The following DCC variants were observed in gnomAD, a reference collection of about 807,000 sequenced individuals.
The protein encoded by DCC is DCC netrin 1 receptor, also known as netrin receptor DCC.
Under a neutral mutation model 172.5 loss-of-function variants are expected in DCC, and 58 were observed. The observed-to-expected ratio is 0.34, with a 90% CI of 0.27 to 0.42. DCC has a LOEUF of 0.42. DCC is among the 10% of genes least tolerant of loss of function. The pLI is 1.00. For missense variants in DCC, 1,740 were observed against 1,791.0 expected, an observed-to-expected ratio of 0.97 and a Z score of 0.51; for synonymous variants, 709 against 644.5, an observed-to-expected ratio of 1.10 and a Z score of -1.52.
At chr18:52,939,710 AG>A (rs2040431897) in intron 5 of DCC, among the ~76,000 whole-genome samples, 1 of 152,160 alleles carries the variant, frequency 6.6e-6, no homozygotes, top group Admixed American at 6.5e-5. Flanking sequence ...GAAGAAATTG[AG>A]GCTCCTCATT....
chr18:52,840,363 T>C (rs2038782884), intron 2 of DCC, among the ~76,000 whole-genome samples: 1 of 152,190 alleles, frequency 6.6e-6, no homozygotes, highest in Non-Finnish European at 1.5e-5. Flanking sequence ...GGGATTGCTT[T>C]AACTAGAGAA....
intron 12 of DCC, among the ~76,000 whole-genome samples, chr18:53,257,729 A>G (rs1333374908): frequency 6.6e-6 from 1 of 152,210 alleles, no homozygotes; most frequent in Non-Finnish European, 1.5e-5. Context: ...GCCTCATAAA[A>G]TGAGTTAGGG....
At chr18:53,435,371 AAAAC>A (rs1380503204) in intron 22 of DCC, among the ~76,000 whole-genome samples, 162 bp downstream of exon 22, 1 of 150,954 alleles carries the variant, frequency 6.6e-6, no homozygotes, top group Non-Finnish European at 1.5e-5. Context: ...AACAAAAACA[AAAAC>A]AAAAAAAACA....
At chr18:52,513,700 G>T (rs957632273) in intron 1 of DCC, among the ~76,000 whole-genome samples, 15 of 152,090 alleles carry the variant, frequency 9.9e-5, no homozygotes, top group Non-Finnish European at 1.5e-4. Context: ...TCCAAAACTA[G>T]GTCCCTTTCC....
intron 7 of DCC, among the ~76,000 whole-genome samples, chr18:53,143,922 T>C (rs549165012): frequency 6.6e-6 from 1 of 152,350 alleles, no homozygotes; most frequent in African/African-American, 2.4e-5. Flanking sequence ...AAGGCCACAG[T>C]GTTTTGTATT....
chr18:53,480,342 A>G (rs2045817400), intron 25 of DCC, among the ~76,000 whole-genome samples: 2 of 152,196 alleles, frequency 1.3e-5, no homozygotes, highest in African/African-American at 2.4e-5. Flanking sequence ...TATAAACCAC[A>G]TTAAAATTGG....
intron 2 of DCC, among the ~76,000 whole-genome samples, chr18:52,760,255 G>T (rs1355572368): frequency 6.6e-6 from 1 of 152,168 alleles, no homozygotes; most frequent in Non-Finnish European, 1.5e-5. Flanking sequence ...GTGGGGGAAA[G>T]CCACTCATGA....
chr18:53,511,977 G>A (rs1301308814), intron 27 of DCC, among the ~76,000 whole-genome samples: 3 of 152,158 alleles, frequency 2.0e-5, no homozygotes, highest in Non-Finnish European at 4.4e-5. Context: ...GCTCAAGGAA[G>A]CCTGCCTGCC....
intron 1 of DCC, among the ~76,000 whole-genome samples, chr18:52,613,823 G>GGACAC (rs2034323038): frequency 6.6e-6 from 1 of 152,098 alleles, no homozygotes; most frequent in African/African-American, 2.4e-5. Context: ...GCAAACAAAC[G>GGACAC]GACACACGTT....
At chr18:52,794,467 G>A (rs1232750619) in intron 2 of DCC, among the ~76,000 whole-genome samples, 1 of 151,946 alleles carries the variant, frequency 6.6e-6, no homozygotes, top group Non-Finnish European at 1.5e-5. Flanking sequence ...TGGTATATAG[G>A]AGTGCTGCTT....
At chr18:53,000,100 A>G (rs1035240085) in intron 5 of DCC, among the ~76,000 whole-genome samples, 2 of 152,036 alleles carry the variant, frequency 1.3e-5, no homozygotes, top group Non-Finnish European at 2.9e-5. Flanking sequence ...CCCTGCTGAC[A>G]TCTTGTTTTC....
intron 15 of DCC, among the ~76,000 whole-genome samples, chr18:53,372,350 A>C (rs1373565340): frequency 6.6e-6 from 1 of 152,042 alleles, no homozygotes; most frequent in Non-Finnish European, 1.5e-5. Flanking sequence ...CTAAGCCACT[A>C]ACAGGAATAG....
intron 1 of DCC, among the ~76,000 whole-genome samples, chr18:52,660,255 C>A (rs4940201): frequency 0.24 from 37,034 of 151,900 alleles, 4,915 homozygotes; most frequent in African/African-American, 0.35. Context: ...ATTTGCCTGA[C>A]AGCAAAAGGA....
intron 27 of DCC, among the ~76,000 whole-genome samples, chr18:53,512,368 G>C (rs977028255): frequency 6.6e-6 from 1 of 150,860 alleles, no homozygotes. Context: ...GGAAAAAACA[G>C]AACAGAAAAA....
chr18:53,342,025 TAAGTTTAATTCATTTAAGC>T (rs1324683085), intron 15 of DCC, among the ~76,000 whole-genome samples: 4 of 152,080 alleles, frequency 2.6e-5, no homozygotes, highest in African/African-American at 9.7e-5. Context: ...TGAATTAAAG[TAAGTTTAATTCATTTAAGC>T]ATAGGGTCAG....
intron 1 of DCC, among the ~76,000 whole-genome samples, chr18:52,591,859 A>C (rs2033808885): frequency 6.9e-6 from 1 of 144,586 alleles, no homozygotes; most frequent in African/African-American, 2.6e-5. Context: ...TTCTGGCCTC[A>C]AGCAGTAGGC....
intron 1 of DCC, among the ~76,000 whole-genome samples, chr18:52,517,281 C>T (rs952504006): frequency 6.6e-6 from 1 of 152,132 alleles, no homozygotes; most frequent in African/African-American, 2.4e-5. Flanking sequence ...GGATCTTTCT[C>T]GATAGCTGCG....
chr18:52,628,020 G>C (rs1405971384), intron 1 of DCC, among the ~76,000 whole-genome samples: 2 of 152,058 alleles, frequency 1.3e-5, no homozygotes, highest in Admixed American at 1.3e-4. Flanking sequence ...ACTCTGCCTT[G>C]TAAAGTATTT....
intron 5 of DCC, among the ~76,000 whole-genome samples, chr18:52,961,776 C>A (rs1407156877): frequency 6.6e-6 from 1 of 152,116 alleles, no homozygotes; most frequent in Non-Finnish European, 1.5e-5. Flanking sequence ...ATCAATGGAA[C>A]AGAACAGAGC....
Sources: allele counts gnomAD v4.1 joint callset (sites outside exome capture counted in the v4.1 genomes callset), GRCh38; gene constraint gnomAD v4.1.1; transcripts MANE v1.5; gene names NCBI Gene and HGNC (gene_info 2026-07-23, HGNC 2026-07-21).